DNAI2: variants seen among roughly 807,000 people sequenced by gnomAD.
The protein encoded by DNAI2 is dynein axonemal intermediate chain 2.
DNAI2 carries 63 observed loss-of-function variants against 74.7 expected under a neutral mutation model. The ratio of observed to expected loss-of-function variants is 0.84; its 90% CI spans 0.69 to 1.04. DNAI2 has a LOEUF of 1.04. Ranked by LOEUF, DNAI2 falls within the 50% of genes least tolerant of loss-of-function variation. DNAI2 has a pLI of 0.00. For synonymous variants in DNAI2, 289 were observed against 314.9 expected, an observed-to-expected ratio of 0.92 and a Z score of 0.87; for missense variants, 688 against 803.2, an observed-to-expected ratio of 0.86 and a Z score of 1.73.
rs1265515847 is a variant in DNAI2, at chr17:74,309,233, A to G, written c.1212-20A>G. The G allele has an allele frequency of 6.2e-7, 1 of 1,613,746 alleles. No homozygotes were observed. Among genetic ancestry groups the G allele is most frequent in the Non-Finnish European group, 8.5e-7 (1 of 1,179,812 alleles). On this transcript the variant is annotated intron_variant, in intron 9 of 13. Coordinates refer to ENST00000311014, the MANE Select transcript of DNAI2 (RefSeq NM_023036.6). ...AGAAGCCTCTGTCCCTCCAACCATG[A>G]TGTGGTCTACCTCCCACAGGTACCA... is the stretch of plus-strand genomic sequence containing the variant.
rs776562930 is a variant in DNAI2 at position 74,301,134 on chromosome 17, T to G, written c.953T>G (p.Leu318Trp). The G allele has an allele frequency of 1.2e-6, 2 of 1,613,972 alleles. No individual in the cohort carries two copies. The highest frequency in any genetic ancestry group is 1.1e-5 in the South Asian group (1 of 91,062). The change falls in exon 8 of 14, where the codon TTG becomes TGG. Residue 318 changes from leucine (L) to tryptophan (W), a missense_variant. By Grantham distance (61) the Leu-to-Trp change is moderately conservative. Coordinates refer to ENST00000311014, the MANE Select transcript of DNAI2 (RefSeq NM_023036.6). ...ITKKEQLENA[L>W]GAISLEFEST... ...AAGAAGGAACAGTTGGAAAATGCCT[T>G]GGGGGCCATCTCCCTGGAGTTCGAA...
At chr17:74,306,608 G>T (rs1348989345) in intron 9 of DNAI2, among the ~76,000 whole-genome samples, 2 of 152,098 alleles carry the variant, frequency 1.3e-5, no homozygotes. Flanking sequence ...CTTGGGAGGA[G>T]TTTTTGTTTG....
chr17:74,295,648 T>A (rs2052382347), intron 6 of DNAI2, among the ~76,000 whole-genome samples: 1 of 34,258 alleles, frequency 2.9e-5, no homozygotes. Context: ...GTCTTATAAT[T>A]TTTTTTTTAT....
At chr17:74,276,189 A>C (rs2051066749) in intron 1 of DNAI2, among the ~76,000 whole-genome samples, 1 of 152,190 alleles carries the variant, frequency 6.6e-6, no homozygotes, top group Non-Finnish European at 1.5e-5. Flanking sequence ...TACTTTGCTC[A>C]TTCTCACTGC....
At chr17:74,285,019 C>T in intron 2 of DNAI2, 21 bp from the exon 3 acceptor site, 1 of 1,614,032 alleles carries the variant, frequency 6.2e-7, no homozygotes, top group Non-Finnish European at 8.5e-7. Context: ...GACGTCTTCC[C>T]TCCTGCGGCT....
intron 12 of DNAI2, 105 bp downstream of exon 12, chr17:74,312,335 G>C (rs889052265): frequency 2.4e-6 from 2 of 827,920 alleles, no homozygotes; most frequent in African/African-American, 3.4e-5. Flanking sequence ...TGAGCAAGTA[G>C]TCTTACCTGC....
Position 74,312,034 on chromosome 17 carries a change from T to G in DNAI2, c.1526T>G (p.Ile509Ser), listed in dbSNP as rs780557132. ...GAGCGTGAGACCCGGCGAGAGAAGA[T>G]CCTGGAGGCCAGGCACCGGGAGATG... ...MFERETRREK[I>S]LEARHREMRL... Residue 509 changes from isoleucine to serine, a missense_variant, in exon 12 of 14, where the codon ATC becomes AGC. Transcript: ENST00000311014. 1 of 1,611,908 alleles carries G rather than the reference T, an allele frequency of 6.2e-7. No individual in the cohort carries two copies. Among genetic ancestry groups the G allele is most frequent in the Non-Finnish European group, 8.5e-7 (1 of 1,179,720 alleles).
intron 6 of DNAI2, among the ~76,000 whole-genome samples, chr17:74,295,830 G>C (rs943821988): frequency 4.6e-5 from 7 of 152,058 alleles, no homozygotes; most frequent in Non-Finnish European, 1.0e-4. Flanking sequence ...ACCACTTATA[G>C]TCTCTGCTTA....
rs751017955 is a variant in DNAI2 at position 74,281,858 on chromosome 17, T to G, written c.41T>G (p.Phe14Cys). ...GTGTACGTCAAGAAGCGCAGCGAGTTCGGGAAGCAGTGCAATTTCTCGGAC... is the reference window on the plus strand; with the variant it reads ...GTGTACGTCAAGAAGCGCAGCGAGTGCGGGAAGCAGTGCAATTTCTCGGAC... ...VYVYVKKRSE[F>C]GKQCNFSDRQ... is the part of the protein sequence containing the mutation. Residue 14 changes from phenylalanine (F) to cysteine (C), a missense_variant, in exon 2 of 14, where the codon TTC becomes TGC. Coordinates refer to ENST00000311014, the MANE Select transcript of DNAI2 (RefSeq NM_023036.6). 4 of 1,613,804 alleles carry G rather than the reference T, an allele frequency of 2.5e-6. No individual in the cohort carries two copies. In the East Asian group the frequency reaches 6.7e-5, roughly 27 times the overall value.
chr17:74,280,938 C>T (rs2051352819), intron 1 of DNAI2, among the ~76,000 whole-genome samples: 1 of 151,568 alleles, frequency 6.6e-6, no homozygotes, highest in African/African-American at 2.4e-5. Context: ...CAATACAAAA[C>T]TTAGCCAGGC....
intron 2 of DNAI2, among the ~76,000 whole-genome samples, chr17:74,282,245 A>G (rs2051439636): frequency 6.6e-6 from 1 of 152,148 alleles, no homozygotes; most frequent in Non-Finnish European, 1.5e-5. Context: ...TCCCTCTCCC[A>G]AGAGCTCTTG....
At chr17:74,295,233 T>TAAAAAAAAAAAAAAAAA (rs57143936) in intron 6 of DNAI2, among the ~76,000 whole-genome samples, 2 of 112,356 alleles carry the variant, frequency 1.8e-5, no homozygotes, top group Admixed American at 1.0e-4. Flanking sequence ...CATCTCTACT[T>TAAAAAAAAAAAAAAAAA]AAAAAAAAAA....
chr17:74,309,427 G>T, intron 10 of DNAI2, 39 bp downstream of exon 10: 1 of 1,613,848 alleles, frequency 6.2e-7, no homozygotes, highest in Non-Finnish European at 8.5e-7. Context: ...CAGGTCCTCA[G>T]GGAGCCAGGT....
chr17:74,310,263 C>T, intron 11 of DNAI2, 100 bp downstream of exon 11: 9 of 1,479,988 alleles, frequency 6.1e-6, no homozygotes, highest in Non-Finnish European at 8.2e-6. Flanking sequence ...CGCCCTCCCA[C>T]CCCCAGAACA....
At chr17:74,275,249 AT>A (rs776826747) in intron 1 of DNAI2, among the ~76,000 whole-genome samples, 4 of 152,178 alleles carry the variant, frequency 2.6e-5, no homozygotes, top group Non-Finnish European at 5.9e-5. Context: ...TCGGTCTCCA[AT>A]TCTGGGGACC....
chr17:74,298,504 A>G (rs1180557862), intron 6 of DNAI2, among the ~76,000 whole-genome samples: 1 of 151,806 alleles, frequency 6.6e-6, no homozygotes, highest in Non-Finnish European at 1.5e-5. Context: ...ATGGGGTTTC[A>G]TCATGTTGGC....
rs143723454 is a variant in DNAI2, at chr17:74,310,076, C to T, written c.1407C>T (p.Cys469=). The T allele has an allele frequency of 6.3e-5, 101 of 1,613,768 alleles. No homozygotes were observed. The highest frequency in any genetic ancestry group is 8.1e-5 in the Non-Finnish European group (95 of 1,180,034). ...AGGACAATGGGTGTCTCATCGCCTG[C>T]GGCTCCCAGCTGGGGACAACCACCC... ...RVQDNGCLIA[C]GSQLGTTTLL... The change falls in exon 11 of 14, where the codon TGC becomes TGT. Residue 469 remains cysteine, a synonymous_variant. Coordinates refer to ENST00000311014, the MANE Select transcript of DNAI2 (RefSeq NM_023036.6).
At chr17:74,295,576 C>A (rs1256199147) in intron 6 of DNAI2, among the ~76,000 whole-genome samples, 4 of 152,074 alleles carry the variant, frequency 2.6e-5, no homozygotes, top group African/African-American at 7.2e-5. Context: ...TTCTTGGGGA[C>A]AATCTCTATT....
chr17:74,303,982 G>A (rs1160220378), intron 8 of DNAI2, among the ~76,000 whole-genome samples: 1 of 151,490 alleles, frequency 6.6e-6, no homozygotes, highest in African/African-American at 2.4e-5. Context: ...AAAATTAGCT[G>A]ACCCTGGTGG....
Sources: allele counts gnomAD v4.1 joint callset (sites outside exome capture counted in the v4.1 genomes callset), GRCh38; gene constraint gnomAD v4.1.1; transcripts MANE v1.5; gene names NCBI Gene and HGNC (gene_info 2026-07-23, HGNC 2026-07-21).